DOT1L: variants seen among roughly 807,000 people sequenced by gnomAD.
DOT1L encodes the protein DOT1 like histone lysine methyltransferase.
A neutral mutation model predicts 153.3 loss-of-function variants in DOT1L; 33 were observed. The observed-to-expected ratio is 0.22, with a 90% CI of 0.16 to 0.29. The LOEUF is 0.29. Among genes scored for constraint, DOT1L ranks in the 10% least tolerant of loss-of-function variants. DOT1L has a pLI of 1.00. For missense variants in DOT1L, 1,847 were observed against 2,119.9 expected (o/e 0.87, Z 2.53); for synonymous variants, 1,135 against 965.1 (o/e 1.18, Z -3.26).
chr19:2,227,903 GCCCCCT>G (rs1599629470), intron 27 of DOT1L: 1 of 1,227,840 alleles, frequency 8.1e-7, no homozygotes, highest in Non-Finnish European at 1.0e-6. Flanking sequence ...AGACCCGGCC[GCCCCCT>G]CCGCCTCCGC....
intron 12 of DOT1L, among the ~76,000 whole-genome samples, chr19:2,209,208 G>A (rs903086098): frequency 2.7e-5 from 4 of 150,552 alleles, no homozygotes; most frequent in African/African-American, 9.8e-5. Context: ...TCCTCTCCCA[G>A]CCCTTTTCTC....
At position 2,210,586 on chromosome 19, in the gene DOT1L, T is replaced by G. The variant is rs1488998053; in HGVS notation, c.1117-35T>G. 3 of 1,603,720 alleles carry G rather than the reference T, an allele frequency of 1.9e-6. No homozygotes were observed. In the South Asian group the frequency reaches 3.3e-5, roughly 18 times the overall value. On this transcript the variant is annotated intron_variant, in intron 13 of 27. Transcript: ENST00000398665. ...GGGAGACCCCATGGGTGGGAGGCTC[T>G]GTGCCCATCCCTGTTCTTCCCTTGT... is the stretch of plus-strand genomic sequence containing the variant.
intron 3 of DOT1L, among the ~76,000 whole-genome samples, chr19:2,187,842 A>C (rs1464150660): frequency 1.3e-5 from 2 of 151,976 alleles, no homozygotes; most frequent in South Asian, 2.1e-4. Context: ...GAATGGTGTG[A>C]ACCCGGGAGG....
At position 2,214,005 on chromosome 19, in the gene DOT1L, G is replaced by C. The variant is rs769842596; in HGVS notation, c.1797+19G>C. 12 of 1,609,288 alleles carry C rather than the reference G, an allele frequency of 7.5e-6. No individual in the cohort carries two copies. The highest frequency in any genetic ancestry group is 2.2e-5 in the East Asian group (1 of 44,710). On this transcript the variant is annotated intron_variant, in intron 18 of 27. Coordinates refer to ENST00000398665, the MANE Select transcript of DOT1L (RefSeq NM_032482.3). ...GCAGCTGGTGGGTGCCGCGGCGCAA[G>C]GACAGGGACGTGGAACCAGAGGGGC...
chr19:2,177,924 CA>C (rs1291986766), intron 1 of DOT1L, among the ~76,000 whole-genome samples: 4 of 121,494 alleles, frequency 3.3e-5, no homozygotes, highest in African/African-American at 1.2e-4. Context: ...CCACACCTAG[CA>C]ATTTTTTTTT....
chr19:2,166,091 G>A (rs923897613), intron 1 of DOT1L, among the ~76,000 whole-genome samples: 2 of 149,530 alleles, frequency 1.3e-5, no homozygotes, highest in African/African-American at 2.5e-5. Flanking sequence ...GTTATGTTAT[G>A]TTATGTTATG....
At position 2,213,548 on chromosome 19, in the gene DOT1L, G is replaced by A. The variant is rs766450500; in HGVS notation, c.1567G>A (p.Ala523Thr). The A allele has an allele frequency of 5.0e-6, 8 of 1,612,718 alleles. No homozygotes were observed. The African/African-American group carries it at 5.3e-5, about 11-fold the overall frequency. The stretch of plus-strand genomic sequence containing the variant: ...CCTGTTTGTCCTACAGGAGAAGAAC[G>A]CCCAGCTCCTGGGTGCGGCTCAGCA... ...ELLGQEKEKN[A>T]QLLGAAQQLL... The change falls in exon 17 of 28, where the codon GCC (alanine) becomes ACC (threonine). Residue 523 changes from alanine to threonine, a missense_variant. By Grantham distance (58) the Ala-to-Thr change is moderately conservative. Coordinates refer to ENST00000398665, the MANE Select transcript of DOT1L (RefSeq NM_032482.3).
Position 2,229,906 on chromosome 19 carries a change from C to T in DOT1L, c.*114C>T, listed in dbSNP as rs1397800814. ...CACCCCTGGACGGCAGAGGCAAGGA[C>T]GGACGGGAGCTCCACTGTGAATCGG... On this transcript the variant is annotated 3_prime_UTR_variant, in exon 28 of 28. Coordinates refer to ENST00000398665, the MANE Select transcript of DOT1L (RefSeq NM_032482.3). 1.3e-5 allele frequency: 20 copies of T among 1,586,410 alleles called. No homozygotes were observed. The highest frequency in any genetic ancestry group is 1.7e-4 in the Middle Eastern group (1 of 5,764).
chr19:2,200,761 G>A lies in DOT1L; in HGVS notation c.707+822G>A, dbSNP rs533580991. ...CTTCCCTGTATTCCTCGTCCTCCCC[G>A]CATTCTTCATCCTCCCCTCATTCCT... On this transcript the variant is annotated intron_variant, in intron 8 of 27. Transcript: ENST00000398665. Among the ~76,000 whole-genome samples the A allele has an allele frequency of 1.7e-4, 24 of 145,020 alleles. 1 individual carries two copies. The East Asian group carries it at 3.7e-3, about 23-fold the overall frequency.
rs183481876 is a variant in DOT1L, at chr19:2,170,874, G to A, written c.81+6609G>A. 2.8e-3 allele frequency among the ~76,000 whole-genome samples: 428 copies of A among 152,186 alleles called. 4 individuals carry two copies. The highest frequency in any genetic ancestry group is 8.9e-3 in the African/African-American group (370 of 41,534). ...ACTCCCTCCAGGAGTCTCCCGGAAC[G>A]TGTGTCTCCCGGGACCTGTCCCCCT... On this transcript the variant is annotated intron_variant, in intron 1 of 27. Transcript: ENST00000398665.
intron 13 of DOT1L, 26 bp downstream of exon 13, chr19:2,210,536 G>A: frequency 6.3e-7 from 1 of 1,589,236 alleles, no homozygotes; most frequent in Non-Finnish European, 8.6e-7. Flanking sequence ...GGCTCCTGCT[G>A]CTGGAGGGCA....
At chr19:2,210,309 C>A in intron 12 of DOT1L, 91 bp from the exon 13 acceptor site, 1 of 1,161,106 alleles carries the variant, frequency 8.6e-7, no homozygotes, top group Non-Finnish European at 1.2e-6. Context: ...GGCCCGTGGC[C>A]CCCTTGAGTC....
chr19:2,230,527 C>A lies in DOT1L; in HGVS notation c.*735C>A, dbSNP rs2024555654. ...ACGGCGCGGGCACGTTGAACAAGTG[C>A]ATTTACTTTTGTATTTCTCGGCTGT... On this transcript the variant is annotated 3_prime_UTR_variant, in exon 28 of 28. Transcript: ENST00000398665. 5.0e-6 allele frequency: 2 copies of A among 398,754 alleles called. No homozygotes were observed. Among genetic ancestry groups the A allele is most frequent in the Non-Finnish European group, 8.8e-6 (2 of 226,122 alleles). 24.7% of individuals were successfully genotyped at this position (398,754 alleles called of 1,614,324 possible). A position where few individuals can be genotyped will look rare whatever the true frequency, so the allele number is the denominator to read the frequency against.
Position 2,217,966 on chromosome 19 carries a change from A to C in DOT1L, c.2691+48A>C. On this transcript the variant is annotated intron_variant, in intron 22 of 27. Coordinates refer to ENST00000398665, the MANE Select transcript of DOT1L (RefSeq NM_032482.3). The surrounding 1 kb of genome is among the most constrained non-coding windows in gnomAD (Gnocchi z 7.3). Reference sequence around the variant, plus strand: ...TCCCCAAGGGCCACGTTGAGGCAAAACAGTCTGGGGTGCTCGAGACCTGGC... The same window carrying C: ...TCCCCAAGGGCCACGTTGAGGCAAACCAGTCTGGGGTGCTCGAGACCTGGC... 1 of 1,596,888 alleles carries C rather than the reference A, an allele frequency of 6.3e-7. No homozygotes were observed. The highest frequency in any genetic ancestry group is 8.5e-7 in the Non-Finnish European group (1 of 1,174,612).
Position 2,190,920 on chromosome 19 carries a change from C to G in DOT1L, c.265-92C>G, listed in dbSNP as rs114452263. 1,215 of 1,285,160 alleles carry G rather than the reference C, an allele frequency of 9.5e-4. 6 individuals are homozygous for G. The highest frequency in any genetic ancestry group is 6.9e-3 in the African/African-American group (460 of 67,066). The allele number at this position is 1,285,160 out of a possible 1,614,324, so 79.6% of individuals were successfully genotyped here. ...GACGAGAGGCCATGCAGCCGACTCC[C>G]TGCTTCCGCTGGGAAAGGTCCCGGG... is the stretch of plus-strand genomic sequence containing the variant. On this transcript the variant is annotated intron_variant, in intron 4 of 27. Coordinates refer to ENST00000398665, the MANE Select transcript of DOT1L (RefSeq NM_032482.3). The surrounding 1 kb of genome is among the most constrained non-coding windows in gnomAD (Gnocchi z 4.8).
rs1446661291 is a variant in DOT1L at position 2,216,941 on chromosome 19, G to C, written c.2409-14G>C. On this transcript the variant is annotated splice_polypyrimidine_tract_variant and intron_variant, in intron 20 of 27. Transcript: ENST00000398665. ...CCCACGGCCCTCGAGAGTGACTGCA[G>C]CTTCTCATTCCAGAGCTGAGCACAC... The C allele has an allele frequency of 7.5e-6, 12 of 1,601,972 alleles. No homozygotes were observed. The highest frequency in any genetic ancestry group is 2.7e-5 in the African/African-American group (2 of 74,814).
chr19:2,218,904 C>G (rs1420449796), intron 22 of DOT1L, among the ~76,000 whole-genome samples: 2 of 151,948 alleles, frequency 1.3e-5, no homozygotes, highest in Admixed American at 6.6e-5. Flanking sequence ...TGCTCTGTTG[C>G]CCAGGCTGGA....
chr19:2,225,270 G>A, intron 25 of DOT1L, 118 bp from the exon 26 acceptor site: 1 of 1,009,830 alleles, frequency 9.9e-7, no homozygotes, highest in Non-Finnish European at 1.5e-6. Context: ...CCCCTGTCTG[G>A]GCCGAGTGCT....
chr19:2,179,876 G>T (rs1348667153), intron 1 of DOT1L, among the ~76,000 whole-genome samples: 1 of 152,160 alleles, frequency 6.6e-6, no homozygotes, highest in Non-Finnish European at 1.5e-5. Context: ...TTCGCTCCCT[G>T]CACCCAGCCT....
Sources: gnomAD v4.1 joint callset for allele counts (sites outside exome capture counted in the v4.1 genomes callset) on GRCh38, gnomAD v4.1.1 for gene constraint, Gnocchi (gnomAD v3.1) non-coding constraint, MANE v1.5 for transcripts, NCBI Gene and HGNC (gene_info 2026-07-23, HGNC 2026-07-21) for gene names.